Variants in CAMK2D observed in about 807,000 individuals in gnomAD.
CAMK2D encodes the protein calcium/calmodulin-dependent protein kinase type II subunit delta.
Under a neutral mutation model 84.0 loss-of-function variants are expected in CAMK2D, and 37 were observed. That is an observed-to-expected ratio of 0.44 (90% CI 0.34 to 0.58). The LOEUF is 0.58. CAMK2D is among the 20% of genes least tolerant of loss of function. The pLI is 0.02. For missense variants in CAMK2D, 448 were observed against 652.5 expected, an observed-to-expected ratio of 0.69 and a Z score of 3.41; for synonymous variants, 202 against 212.5, an observed-to-expected ratio of 0.95 and a Z score of 0.43.
At chr4:113,612,054 C>A (rs753076755) in intron 3 of CAMK2D, among the ~76,000 whole-genome samples, 2 of 151,944 alleles carry the variant, frequency 1.3e-5, no homozygotes, top group African/African-American at 4.8e-5. Flanking sequence ...ACTGAAAAAA[C>A]AGAATTATAA....
At chr4:113,548,876 C>G (rs1383341941) in intron 5 of CAMK2D, 7 of 553,378 alleles carry the variant, frequency 1.3e-5, no homozygotes, top group African/African-American at 3.9e-5. Context: ...ACGTTGGAAT[C>G]AAATAAAGCT....
At chr4:113,706,392 C>T (rs2099455530) in intron 2 of CAMK2D, among the ~76,000 whole-genome samples, 1 of 152,038 alleles carries the variant, frequency 6.6e-6, no homozygotes, top group Admixed American at 6.6e-5. Flanking sequence ...AGGACATTCC[C>T]TAAATAAAAA....
chr4:113,693,604 T>C (rs2099394593), intron 2 of CAMK2D, among the ~76,000 whole-genome samples: 1 of 152,292 alleles, frequency 6.6e-6, no homozygotes, highest in African/African-American at 2.4e-5. Flanking sequence ...GCATTCCACC[T>C]GGGATGGAAA....
At chr4:113,537,561 T>C in intron 6 of CAMK2D, 118 bp from the exon 7 acceptor site, 1 of 635,682 alleles carries the variant, frequency 1.6e-6, no homozygotes. Flanking sequence ...TCATCTTTCC[T>C]GGAGACTGCC....
intron 4 of CAMK2D, among the ~76,000 whole-genome samples, chr4:113,554,978 C>T (rs1488093792): frequency 5.2e-5 from 3 of 58,214 alleles, no homozygotes; most frequent in African/African-American, 2.9e-4. Flanking sequence ...AACTCTAGAA[C>T]ATGAAAAAAT....
intron 17 of CAMK2D, among the ~76,000 whole-genome samples, chr4:113,461,083 T>C (rs940595371): frequency 1.3e-5 from 2 of 152,204 alleles, no homozygotes; most frequent in Admixed American, 1.3e-4. Context: ...CTACACTTCC[T>C]GGCAATGTCC....
intron 2 of CAMK2D, among the ~76,000 whole-genome samples, chr4:113,675,351 T>G (rs1054145555): frequency 2.0e-5 from 3 of 152,246 alleles, no homozygotes; most frequent in African/African-American, 7.2e-5. Flanking sequence ...TTAAAAATCA[T>G]AACTTACATA....
At chr4:113,461,986 C>T (rs2097381553) in intron 17 of CAMK2D, among the ~76,000 whole-genome samples, 1 of 151,872 alleles carries the variant, frequency 6.6e-6, no homozygotes, top group South Asian at 2.1e-4. Flanking sequence ...TTACAGTAAC[C>T]TTCACTTCAG....
intron 16 of CAMK2D, among the ~76,000 whole-genome samples, chr4:113,482,227 T>C (rs1317450470): frequency 6.6e-6 from 1 of 152,226 alleles, no homozygotes; most frequent in Non-Finnish European, 1.5e-5. Context: ...AAGATGATTA[T>C]ATCTTAAGTT....
rs1481178733 is a variant in CAMK2D, at chr4:113,731,638, T to G, written c.160+27682A>C. 7.6e-5 allele frequency among the ~76,000 whole-genome samples: 11 copies of G among 144,358 alleles called. No individual in the cohort carries two copies. In the East Asian group the frequency reaches 2.3e-3, roughly 30 times the overall value. The allele number at this position is 144,358 out of a possible 152,430, so 94.7% of individuals were successfully genotyped here. ...TCTCACTCTGTCCTCCAGGCTGGAG[T>G]GCAATGGCGTGATCTTGGCTCACTG... On this transcript the variant is annotated intron_variant, in intron 2 of 20. Transcript: ENST00000511664.
chr4:113,743,979 T>C lies in CAMK2D; in HGVS notation c.160+15341A>G, dbSNP rs534827607. On this transcript the variant is annotated intron_variant, in intron 2 of 20. Transcript: ENST00000511664. Reference sequence around the variant, plus strand: ...CCTTAGGCTCCTGAGTAGCTGGGACTACAGGGGCCCGCCACCACACCCGGC... The same window carrying C: ...CCTTAGGCTCCTGAGTAGCTGGGACCACAGGGGCCCGCCACCACACCCGGC... Among the ~76,000 whole-genome samples the C allele has an allele frequency of 6.6e-5, 10 of 152,254 alleles. 1 individual carries two copies. The East Asian group carries it at 1.9e-3, about 29-fold the overall frequency.
intron 16 of CAMK2D, among the ~76,000 whole-genome samples, chr4:113,466,890 AAC>A (rs2097479503): frequency 6.6e-6 from 1 of 152,144 alleles, no homozygotes; most frequent in Non-Finnish European, 1.5e-5. Context: ...ATTGTTATTA[AAC>A]TTTCTGTACT....
intron 16 of CAMK2D, among the ~76,000 whole-genome samples, chr4:113,466,421 T>A (rs1439678213): frequency 6.6e-6 from 1 of 152,202 alleles, no homozygotes; most frequent in Non-Finnish European, 1.5e-5. Context: ...ATGTCTATCT[T>A]CAGAGTAAAG....
chr4:113,523,590 T>A (rs6816233), intron 8 of CAMK2D, among the ~76,000 whole-genome samples: 27,787 of 151,680 alleles, frequency 0.18, 2,997 homozygotes, highest in Non-Finnish European at 0.26. Context: ...CTGGGCAACA[T>A]GGCAAAACCC....
At chr4:113,588,773 T>C (rs555808079) in intron 4 of CAMK2D, among the ~76,000 whole-genome samples, 14 of 152,094 alleles carry the variant, frequency 9.2e-5, no homozygotes, top group African/African-American at 3.4e-4. Context: ...CTGGGGATAA[T>C]AGTGATCAAA....
intron 4 of CAMK2D, among the ~76,000 whole-genome samples, chr4:113,598,655 T>C (rs1318401628): frequency 6.6e-6 from 1 of 152,198 alleles, no homozygotes; most frequent in Non-Finnish European, 1.5e-5. Flanking sequence ...GCTTCTGTTA[T>C]CCAAAATATA....
At chr4:113,724,758 C>T (rs183566685) in intron 2 of CAMK2D, among the ~76,000 whole-genome samples, 3 of 152,012 alleles carry the variant, frequency 2.0e-5, no homozygotes, top group Admixed American at 2.0e-4. Context: ...TGTTATCATA[C>T]AGCCTTAAGG....
In CAMK2D at chr4:113,715,449, C is replaced by T. The variant is rs188766953; in HGVS notation, c.160+43871G>A. Among the ~76,000 whole-genome samples the T allele has an allele frequency of 1.4e-4, 21 of 151,902 alleles. No homozygotes were observed. In the East Asian group the frequency reaches 3.9e-3, roughly 28 times the overall value. ...GCTATGAGTTTATATCATAAAAGAC[C>T]ATTCAATTTTATCAAGTTATTTCTA... On this transcript the variant is annotated intron_variant, in intron 2 of 20. Transcript: ENST00000511664.
intron 8 of CAMK2D, among the ~76,000 whole-genome samples, chr4:113,530,276 A>C (rs1460084501): frequency 6.6e-6 from 1 of 152,194 alleles, no homozygotes; most frequent in Non-Finnish European, 1.5e-5. Flanking sequence ...TTTTATACAC[A>C]TCTAAACACA....
Sources: gnomAD v4.1 joint callset for allele counts (sites outside exome capture counted in the v4.1 genomes callset) on GRCh38, gnomAD v4.1.1 for gene constraint, MANE v1.5 for transcripts, NCBI Gene and HGNC (gene_info 2026-07-23, HGNC 2026-07-21) for gene names.